The following MFSD12 variants were observed in gnomAD, a reference collection of about 807,000 sequenced individuals.
MFSD12 encodes major facilitator superfamily domain-containing protein 12.
MFSD12 carries 67 observed loss-of-function variants against 51.2 expected under a neutral mutation model. The ratio of observed to expected loss-of-function variants is 1.31; its 90% CI spans 1.08 to 1.60. MFSD12 has a LOEUF of 1.60. Ranked by LOEUF, MFSD12 falls within the 40% of genes most tolerant of loss-of-function variation. The pLI, the probability that MFSD12 is intolerant of heterozygous loss-of-function variation, is 0.00. For missense variants in MFSD12, 921 were observed against 673.0 expected (o/e 1.37, Z -4.08); for synonymous variants, 441 against 316.7 (o/e 1.39, Z -4.17).
chr19:3,556,392 G>A (rs1216643170), intron 1 of MFSD12, among the ~76,000 whole-genome samples: 1 of 152,238 alleles, frequency 6.6e-6, no homozygotes, highest in Admixed American at 6.5e-5. Context: ...GTCAGATGGT[G>A]AGGGCCCCGC....
At chr19:3,547,232 C>A in intron 6 of MFSD12, 40 bp downstream of exon 6, 2 of 1,561,412 alleles carry the variant, frequency 1.3e-6, no homozygotes, top group Admixed American at 1.7e-5. Flanking sequence ...CAGGGCACCC[C>A]ATCCTCCGCC....
rs768578811 is a variant in MFSD12, at chr19:3,557,238, G to C, written c.166C>G (p.Arg56Gly). The change falls in exon 1 of 10, where the codon CGC becomes GGC. Residue 56 changes from arginine (R) to glycine (G), a missense_variant. Physicochemically the swap from Arg to Gly is moderately radical, Grantham distance 125. Coordinates refer to ENST00000355415, the MANE Select transcript of MFSD12 (RefSeq NM_174983.5). ...AGCAGCAGCAGCAGCCCCGCGCCGC[G>C]GGAGCTGTAGGCGCGCACCGAGTGC... ...YLHSVRAYSS[R>G]GAGLLLLLGQ... 6.3e-7 allele frequency: 1 copy of C among 1,593,058 alleles called. No individual in the cohort carries two copies.
At chr19:3,554,231 G>T (rs1206811019) in intron 1 of MFSD12, among the ~76,000 whole-genome samples, 1 of 151,784 alleles carries the variant, frequency 6.6e-6, no homozygotes, top group East Asian at 1.9e-4. Context: ...GAGGTCAGCG[G>T]TTCAAGCCCA....
At chr19:3,543,439 C>T (rs1300758494), downstream of MFSD12, 20 of 1,545,466 alleles carry the variant, frequency 1.3e-5, no homozygotes, top group Non-Finnish European at 1.7e-5. Context: ...GCTGGCACAG[C>T]TGCTACCAAC....
At chr19:3,542,769 C>T, downstream of MFSD12, 1 of 1,361,574 alleles carries the variant, frequency 7.3e-7, no homozygotes, top group Non-Finnish European at 9.8e-7. Flanking sequence ...AAGCGTGAGC[C>T]ACACACCTGG....
At chr19:3,542,969 C>CA, downstream of MFSD12, 1 of 1,546,934 alleles carries the variant, frequency 6.5e-7, no homozygotes, top group Non-Finnish European at 8.8e-7. Context: ...CTTCTCCAGG[C>CA]AAGAAAAGCT....
downstream of MFSD12, chr19:3,539,363 C>T (rs77646122): frequency 0.024 from 17,110 of 701,296 alleles, 352 homozygotes; most frequent in Non-Finnish European, 0.029. Context: ...ACGTGTCACT[C>T]GTTATTCCTA....
In MFSD12 at chr19:3,547,257, T is replaced by C. The variant is rs1568256290; in HGVS notation, c.1023+15A>G. The C allele has an allele frequency of 6.2e-7, 1 of 1,609,780 alleles. No individual in the cohort carries two copies. The highest frequency in any genetic ancestry group is 1.7e-5 in the Admixed American group (1 of 59,982). ...CATCCTCCGCCCCAGCTGTCCCCGG[T>C]CCCCGCCCACTCACGTTCCTCCCAA... is the stretch of plus-strand genomic sequence containing the variant. On this transcript the variant is annotated intron_variant, in intron 6 of 9. Transcript: ENST00000355415.
rs1222280174 is a variant in MFSD12 at position 3,544,333 on chromosome 19, G to A, written c.*377C>T. The A allele has an allele frequency of 7.1e-6, 9 of 1,272,572 alleles. No homozygotes were observed. Among genetic ancestry groups the A allele is most frequent in the Admixed American group, 3.8e-5 (1 of 26,548 alleles). 78.8% of individuals were successfully genotyped at this position (1,272,572 alleles called of 1,614,324 possible). A position where few individuals can be genotyped will look rare whatever the true frequency, so the allele number is the denominator to read the frequency against. On this transcript the variant is annotated 3_prime_UTR_variant, in exon 10 of 10. Coordinates refer to ENST00000355415, the MANE Select transcript of MFSD12 (RefSeq NM_174983.5). ...CTCCAGGCTCCAGCCGTCCTGAGGGGGCCCTGGCAGTGTCTGGAGACCCCC... is the reference window on the plus strand; with the variant it reads ...CTCCAGGCTCCAGCCGTCCTGAGGGAGCCCTGGCAGTGTCTGGAGACCCCC...
intron 1 of MFSD12, among the ~76,000 whole-genome samples, chr19:3,552,019 A>T (rs556911169): frequency 6.0e-5 from 9 of 151,032 alleles, no homozygotes; most frequent in African/African-American, 2.2e-4. Context: ...CTCCTCGAAC[A>T]CCTCTCTCCT....
rs2030852879 is a variant in MFSD12, at chr19:3,544,957, G to A, written c.1290-18C>T. On this transcript the variant is annotated intron_variant, in intron 8 of 9. Transcript: ENST00000355415. ...GCTCTGAGCTGTGGGAGGAGGCGGG[G>A]GATGAGTAGGCACCGCGGGTACCAC... 6.3e-7 allele frequency: 1 copy of A among 1,595,696 alleles called. No individual in the cohort carries two copies. Among genetic ancestry groups the A allele is most frequent in the East Asian group, 2.3e-5 (1 of 44,096 alleles).
downstream of MFSD12, chr19:3,543,178 G>A (rs1467371054): frequency 6.6e-7 from 1 of 1,523,442 alleles, no homozygotes; most frequent in African/African-American, 1.4e-5. Context: ...CATCGCAAAG[G>A]GGTCAAAGCA....
In MFSD12 at chr19:3,544,537, T is replaced by A. The variant is rs1375396116; in HGVS notation, c.*173A>T. 1.1e-5 allele frequency: 16 copies of A among 1,411,998 alleles called. No individual in the cohort carries two copies. The highest frequency in any genetic ancestry group is 1.5e-5 in the Non-Finnish European group (16 of 1,085,732). 87.5% of individuals were successfully genotyped at this position (1,411,998 alleles called of 1,614,324 possible). ...AACCCAGGGGGTCCTTGCAAGTCCC[T>A]GGCGGGCATCCCTGCTGCCCTCACC... On this transcript the variant is annotated 3_prime_UTR_variant, in exon 10 of 10. Transcript: ENST00000355415.
chr19:3,551,175 C>A lies in MFSD12; in HGVS notation c.318G>T (p.Leu106=). 6.2e-7 allele frequency: 1 copy of A among 1,609,738 alleles called. No homozygotes were observed. Among genetic ancestry groups the A allele is most frequent in the Non-Finnish European group, 8.5e-7 (1 of 1,178,622 alleles). The change falls in exon 2 of 10, where the codon CTG becomes CTT. Residue 106 remains leucine (L), a synonymous_variant. Coordinates refer to ENST00000355415, the MANE Select transcript of MFSD12 (RefSeq NM_174983.5). The surrounding 1 kb of genome is among the most constrained non-coding windows in gnomAD (Gnocchi z 4.6). ...WHLVGTVCVL[L]SFPFIFSPCL... ...AGGGGCTGAAGATGAAGGGGAAGGA[C>A]AGCAGGACGCAGACGGTGCCTGTGG... is the stretch of plus-strand genomic sequence containing the variant.
rs2031723162 is a variant in MFSD12 at position 3,556,373 on chromosome 19, A to AG, written c.298+732dup. On this transcript the variant is annotated intron_variant, in intron 1 of 9. Coordinates refer to ENST00000355415, the MANE Select transcript of MFSD12 (RefSeq NM_174983.5). ...ACAAACAAAGGCATTCCCACTAGAAAGTCATGTAGTCAGATGGTGAGGGCC... is the reference window on the plus strand; with the variant it reads ...ACAAACAAAGGCATTCCCACTAGAAAGGTCATGTAGTCAGATGGTGAGGGCC... Among the ~76,000 whole-genome samples, 5 of 152,244 alleles carry AG rather than the reference A, an allele frequency of 3.3e-5. No homozygotes were observed. The South Asian group carries it at 1.0e-3, about 32-fold the overall frequency.
intron 2 of MFSD12, 29 bp from the exon 3 acceptor site, chr19:3,548,296 A>C: frequency 5.2e-6 from 8 of 1,543,604 alleles, no homozygotes; most frequent in Non-Finnish European, 7.0e-6. Flanking sequence ...GGGACTCAAC[A>C]AGACGCCAGG....
downstream of MFSD12, chr19:3,539,378 G>A (rs913917405): frequency 1.5e-5 from 10 of 656,552 alleles, no homozygotes; most frequent in African/African-American, 1.5e-4. Context: ...TTCCTAAAAG[G>A]CTCATGTGTG....
downstream of MFSD12, chr19:3,542,823 A>C (rs1358174495): frequency 3.6e-6 from 5 of 1,374,206 alleles, no homozygotes; most frequent in Non-Finnish European, 4.9e-6. Flanking sequence ...GCTTAGTGCC[A>C]GCCCCAGACC....
chr19:3,550,927 C>CT (rs1387326005), intron 2 of MFSD12, 57 bp downstream of exon 2: 14 of 1,474,182 alleles, frequency 9.5e-6, no homozygotes, highest in African/African-American at 1.4e-5. Context: ...GTGCCACTGA[C>CT]TGATACACCG....
Sources: allele counts gnomAD v4.1 joint callset (sites outside exome capture counted in the v4.1 genomes callset), GRCh38; gene constraint gnomAD v4.1.1; non-coding constraint Gnocchi (gnomAD v3.1); transcripts MANE v1.5; gene names NCBI Gene and HGNC (gene_info 2026-07-23, HGNC 2026-07-21).